The following COX7B2 variants were observed in gnomAD, a reference collection of about 807,000 sequenced individuals.
COX7B2 encodes the protein cytochrome c oxidase subunit 7B2, mitochondrial.
For missense variants in COX7B2, 109 were observed against 95.9 expected, an observed-to-expected ratio of 1.14 and a Z score of -0.57; for synonymous variants, 37 against 32.1, an observed-to-expected ratio of 1.15 and a Z score of -0.51.
chr4:46,893,572 G>C (rs1383554493), intron 1 of COX7B2, among the ~76,000 whole-genome samples: 1 of 152,110 alleles, frequency 6.6e-6, no homozygotes, highest in Non-Finnish European at 1.5e-5. Flanking sequence ...GGCAGCTATT[G>C]CATCAATGAG....
intron 2 of COX7B2, among the ~76,000 whole-genome samples, chr4:46,821,937 G>A (rs1714326644): frequency 6.6e-6 from 1 of 152,070 alleles, no homozygotes; most frequent in Non-Finnish European, 1.5e-5. Flanking sequence ...TTTTGAGACG[G>A]AGTCTCACTC....
chr4:46,760,546 T>C (rs948174008), intron 2 of COX7B2, among the ~76,000 whole-genome samples: 2 of 151,482 alleles, frequency 1.3e-5, no homozygotes, highest in African/African-American at 4.9e-5. Context: ...TATCACACAC[T>C]GGGGCTGGTC....
chr4:46,780,191 T>C (rs1269098553), intron 2 of COX7B2, among the ~76,000 whole-genome samples: 12 of 152,268 alleles, frequency 7.9e-5, no homozygotes, highest in Admixed American at 3.3e-4. Context: ...CAAACTCAGC[T>C]ATGACTAAAG....
intron 2 of COX7B2, among the ~76,000 whole-genome samples, chr4:46,794,496 G>T (rs927519126): frequency 1.3e-5 from 2 of 152,126 alleles, no homozygotes; most frequent in South Asian, 2.1e-4. Context: ...TACTGAGAGG[G>T]CCCAAGAGAC....
At chr4:46,851,688 T>C (rs1716696304) in intron 1 of COX7B2, among the ~76,000 whole-genome samples, 1 of 152,082 alleles carries the variant, frequency 6.6e-6, no homozygotes, top group Non-Finnish European at 1.5e-5. Context: ...AGTTCCTCAG[T>C]CTTCCCTTTT....
chr4:46,886,796 GC>G (rs1360331640), intron 1 of COX7B2, among the ~76,000 whole-genome samples: 2 of 152,144 alleles, frequency 1.3e-5, no homozygotes, highest in Non-Finnish European at 2.9e-5. Context: ...TCTATTTTCA[GC>G]CTTTCAGATA....
At chr4:46,901,188 C>A (rs138579755) in intron 1 of COX7B2, among the ~76,000 whole-genome samples, 197 of 152,230 alleles carry the variant, frequency 1.3e-3, no homozygotes, top group African/African-American at 4.6e-3. Context: ...TTTGTGATAT[C>A]TTGGGGTGAT....
chr4:46,800,128 A>G (rs1420274096), intron 2 of COX7B2, among the ~76,000 whole-genome samples: 1 of 152,206 alleles, frequency 6.6e-6, no homozygotes, highest in Non-Finnish European at 1.5e-5. Context: ...ATCAGGGATA[A>G]CACAAACAGA....
At chr4:46,790,378 C>G (rs1717974246) in intron 2 of COX7B2, among the ~76,000 whole-genome samples, 1 of 152,196 alleles carries the variant, frequency 6.6e-6, no homozygotes, top group African/African-American at 2.4e-5. Flanking sequence ...TTTATTCACT[C>G]ATACATACAT....
chr4:46,843,252 G>A (rs1231920057), intron 2 of COX7B2, among the ~76,000 whole-genome samples: 1 of 151,916 alleles, frequency 6.6e-6, no homozygotes, highest in South Asian at 2.1e-4. Context: ...CAATAATAGA[G>A]AAATAATAAT....
At chr4:46,829,060 G>T (rs1015862110) in intron 2 of COX7B2, among the ~76,000 whole-genome samples, 2 of 152,132 alleles carry the variant, frequency 1.3e-5, no homozygotes, top group African/African-American at 2.4e-5. Context: ...TTCTAAGCAC[G>T]TGATTGAGAT....
intron 2 of COX7B2, among the ~76,000 whole-genome samples, chr4:46,823,351 T>G (rs1714440053): frequency 6.6e-6 from 1 of 151,596 alleles, no homozygotes; most frequent in African/African-American, 2.4e-5. Flanking sequence ...AATGTGTGTA[T>G]GTATATCTCC....
chr4:46,781,640 G>A (rs553791983), intron 2 of COX7B2, among the ~76,000 whole-genome samples: 1 of 152,342 alleles, frequency 6.6e-6, no homozygotes, highest in South Asian at 2.1e-4. Context: ...GCTGGCTGAG[G>A]CCGGAGCTGG....
At chr4:46,891,115 C>A (rs1719407663) in intron 1 of COX7B2, among the ~76,000 whole-genome samples, 1 of 152,140 alleles carries the variant, frequency 6.6e-6, no homozygotes, top group African/African-American at 2.4e-5. Flanking sequence ...AGAGTGACAA[C>A]AGAGATTATC....
intron 2 of COX7B2, among the ~76,000 whole-genome samples, chr4:46,839,453 AAAG>A (rs1715774372): frequency 6.6e-6 from 1 of 152,004 alleles, no homozygotes; most frequent in Non-Finnish European, 1.5e-5. Context: ...TCAGCAGCTC[AAAG>A]TCCCCTAGAT....
intron 1 of COX7B2, among the ~76,000 whole-genome samples, chr4:46,885,632 A>T (rs1335570289): frequency 6.6e-6 from 1 of 152,186 alleles, no homozygotes; most frequent in Admixed American, 6.5e-5. Flanking sequence ...AACAAGATAC[A>T]ACCTTTCTCT....
chr4:46,772,186 A>G (rs1716914445), intron 2 of COX7B2, among the ~76,000 whole-genome samples: 1 of 152,184 alleles, frequency 6.6e-6, no homozygotes, highest in African/African-American at 2.4e-5. Flanking sequence ...GCAATAAACC[A>G]GGCACAGAAA....
rs184624356 is a variant in COX7B2 at position 46,826,692 on chromosome 4, G to A, written c.-50+18268C>T. On this transcript the variant is annotated intron_variant, in intron 2 of 2. Coordinates refer to ENST00000355591, the MANE Select transcript of COX7B2 (RefSeq NM_130902.3). The stretch of plus-strand genomic sequence containing the variant: ...ATACTATGTAGCTATAAAAAAGAAT[G>A]AGATCATGTTTTTTGTGGGAACATG... 8.8e-4 allele frequency among the ~76,000 whole-genome samples: 134 copies of A among 152,220 alleles called. 1 individual carries two copies. The highest frequency in any genetic ancestry group is 1.6e-3 in the Non-Finnish European group (110 of 67,996).
At chr4:46,859,885 C>G (rs907807390) in intron 1 of COX7B2, among the ~76,000 whole-genome samples, 2 of 152,206 alleles carry the variant, frequency 1.3e-5, no homozygotes, top group Non-Finnish European at 2.9e-5. Flanking sequence ...TAGTCAACAG[C>G]CTGTAACTTC....
Sources: allele counts gnomAD v4.1 joint callset (sites outside exome capture counted in the v4.1 genomes callset), GRCh38; gene constraint gnomAD v4.1.1; transcripts MANE v1.5; gene names NCBI Gene and HGNC (gene_info 2026-07-23, HGNC 2026-07-21).